The following LRP2 variants were observed in gnomAD, a reference collection of about 807,000 sequenced individuals.
The protein encoded by LRP2 is LDL receptor related protein 2.
In LRP2, 172 loss-of-function variants were observed where a neutral mutation model predicts 531.0. The observed-to-expected ratio is 0.32, with a 90% CI of 0.29 to 0.37. The LOEUF (loss-of-function observed/expected upper bound fraction) is 0.37. Among genes scored for constraint, LRP2 ranks in the 10% least tolerant of loss-of-function variants. LRP2 has a pLI of 1.00. For missense variants in LRP2, 5,167 were observed against 5,868.3 expected (o/e 0.88, Z 3.90); for synonymous variants, 1,992 against 2,027.6 (o/e 0.98, Z 0.47).
At position 169,278,071 on chromosome 2, in the gene LRP2, A is replaced by G. The variant is rs550272377; in HGVS notation, c.1566-120T>C. 5 of 774,740 alleles carry G rather than the reference A, an allele frequency of 6.5e-6. No individual in the cohort carries two copies. In the Admixed American group the frequency reaches 1.2e-4, roughly 19 times the overall value. The allele number at this position is 774,740 out of a possible 1,614,324, so 48.0% of individuals were successfully genotyped here. On this transcript the variant is annotated intron_variant, in intron 12 of 78. Coordinates refer to ENST00000649046, the MANE Select transcript of LRP2 (RefSeq NM_004525.3). Reference sequence around the variant, plus strand: ...ATCCAGCTGATTAGAGAACCACAGTATAAAACAACAGGGAAATTAAGTTGT... The same window carrying G: ...ATCCAGCTGATTAGAGAACCACAGTGTAAAACAACAGGGAAATTAAGTTGT...
chr2:169,203,909 C>T, intron 42 of LRP2, 73 bp downstream of exon 42: 1 of 1,534,240 alleles, frequency 6.5e-7, no homozygotes, highest in Admixed American at 1.7e-5. Context: ...CCTGTGAGAA[C>T]TTCAGCTTTC....
chr2:169,152,729 C>A (rs1686189748), intron 67 of LRP2, 70 bp downstream of exon 67: 4 of 1,555,726 alleles, frequency 2.6e-6, no homozygotes, highest in Non-Finnish European at 3.5e-6. Flanking sequence ...ACTCATGGCC[C>A]ATGGAGTGCA....
chr2:169,215,606 A>G (rs145067644), intron 35 of LRP2, among the ~76,000 whole-genome samples: 115 of 151,424 alleles, frequency 7.6e-4, no homozygotes, highest in African/African-American at 2.5e-3. Flanking sequence ...ACATACATAC[A>G]TACACACACA....
chr2:169,234,657 G>A (rs934682277), intron 29 of LRP2, among the ~76,000 whole-genome samples: 2 of 152,044 alleles, frequency 1.3e-5, no homozygotes, highest in African/African-American at 2.4e-5. Flanking sequence ...GGATTGCTGG[G>A]TCAAATGGTA....
intron 3 of LRP2, among the ~76,000 whole-genome samples, chr2:169,311,543 G>T (rs1233546949): frequency 2.0e-5 from 3 of 152,216 alleles, no homozygotes; most frequent in Admixed American, 6.5e-5. Context: ...GTTTTAGTTT[G>T]ATTGCACTGT....
intron 23 of LRP2, 53 bp from the exon 24 acceptor site, chr2:169,243,125 A>C: frequency 1.4e-6 from 2 of 1,390,732 alleles, no homozygotes; most frequent in Non-Finnish European, 2.0e-6. Flanking sequence ...AAAATGACTA[A>C]ACACTGAGAT....
At chr2:169,139,977 C>T (rs542001833) in intron 72 of LRP2, among the ~76,000 whole-genome samples, 2 of 152,306 alleles carry the variant, frequency 1.3e-5, no homozygotes, top group South Asian at 4.1e-4. Flanking sequence ...ATTTATCTTG[C>T]TCCATGTTAG....
At chr2:169,195,362 G>A (rs1032565274) in intron 46 of LRP2, among the ~76,000 whole-genome samples, 5 of 151,910 alleles carry the variant, frequency 3.3e-5, no homozygotes, top group Non-Finnish European at 7.4e-5. Flanking sequence ...AGTAAAGTAA[G>A]ATATATAAAA....
intron 41 of LRP2, 68 bp from the exon 42 acceptor site, chr2:169,204,339 C>A: frequency 1.4e-6 from 2 of 1,397,696 alleles, no homozygotes; most frequent in Non-Finnish European, 2.0e-6. Context: ...ACTGGCAGCC[C>A]AATGCATGCG....
intron 16 of LRP2, among the ~76,000 whole-genome samples, chr2:169,260,653 C>T (rs1352466298): frequency 6.6e-6 from 1 of 151,968 alleles, no homozygotes; most frequent in Admixed American, 6.6e-5. Context: ...GAAAGGCTTG[C>T]TTGGTCTTTC....
intron 77 of LRP2, among the ~76,000 whole-genome samples, chr2:169,131,576 C>T (rs567616531): frequency 6.6e-6 from 1 of 152,262 alleles, no homozygotes; most frequent in African/African-American, 2.4e-5. Context: ...AGAACAGAGA[C>T]ATTCCAGATC....
chr2:169,239,775 T>A lies in LRP2; in HGVS notation c.4046A>T (p.Asn1349Ile). The A allele has an allele frequency of 6.2e-7, 1 of 1,613,478 alleles. No homozygotes were observed. ...PNGTDESPLCNGNSCSDFNGG... is the reference protein window; with the variant it reads ...PNGTDESPLCIGNSCSDFNGG... ...ATTGAAATCTGAGCAGCTGTTCCCA[T>A]CTAGAAAAAAGAAAGAGAATAATGA... The change falls in exon 26 of 79, where the codon AAT becomes ATT. Residue 1349 changes from asparagine to isoleucine, a missense_variant and splice_region_variant. Asn to Ile is a moderately radical substitution (Grantham distance 149). Transcript: ENST00000649046.
intron 68 of LRP2, among the ~76,000 whole-genome samples, chr2:169,150,477 A>C (rs1258245373): frequency 3.3e-5 from 5 of 152,222 alleles, no homozygotes; most frequent in Non-Finnish European, 5.9e-5. Flanking sequence ...TTAAATATTT[A>C]TATATTTTGG....
chr2:169,247,629 C>T, intron 19 of LRP2, 114 bp from the exon 20 acceptor site: 1 of 1,086,546 alleles, frequency 9.2e-7, no homozygotes, highest in Admixed American at 1.8e-5. Context: ...TCATCTCCCC[C>T]ATAAATATCT....
At chr2:169,334,402 T>C (rs1335244023) in intron 1 of LRP2, among the ~76,000 whole-genome samples, 3 of 152,186 alleles carry the variant, frequency 2.0e-5, no homozygotes, top group Non-Finnish European at 4.4e-5. Flanking sequence ...TATTAGAGTG[T>C]TGGTCAAGAA....
intron 43 of LRP2, 36 bp downstream of exon 43, chr2:169,202,720 T>C: frequency 6.2e-7 from 1 of 1,603,374 alleles, no homozygotes; most frequent in South Asian, 1.1e-5. Flanking sequence ...CAAGATGCCA[T>C]TAGCTCCTAC....
Position 169,237,247 on chromosome 2 carries a change from A to T in LRP2, c.4547T>A (p.Ile1516Lys). The T allele has an allele frequency of 6.2e-7, 1 of 1,613,918 alleles. No individual in the cohort carries two copies. ...SSIILTETIA[I>K]DWVGRNLYWT... ...GTAAAGATTACGACCTACCCAATCT[A>T]TTGCAATAGTTTCAGTCAAGATGAT... Residue 1516 changes from isoleucine (I) to lysine (K), a missense_variant, in exon 28 of 79, where the codon ATA becomes AAA. Coordinates refer to ENST00000649046, the MANE Select transcript of LRP2 (RefSeq NM_004525.3).
intron 1 of LRP2, among the ~76,000 whole-genome samples, chr2:169,328,304 G>T (rs9710881): frequency 1.6e-5 from 1 of 64,242 alleles, no homozygotes; most frequent in South Asian, 3.8e-4. Flanking sequence ...TCAGCCCCCC[G>T]CCCGGCCAGA....
intron 55 of LRP2, 136 bp from the exon 56 acceptor site, chr2:169,174,300 G>A: frequency 9.7e-7 from 1 of 1,025,756 alleles, no homozygotes; most frequent in Non-Finnish European, 1.5e-6. Context: ...TTATCAGTCA[G>A]TACTACTACA....
Sources: gnomAD v4.1 joint callset for allele counts (sites outside exome capture counted in the v4.1 genomes callset) on GRCh38, gnomAD v4.1.1 for gene constraint, MANE v1.5 for transcripts, NCBI Gene and HGNC (gene_info 2026-07-23, HGNC 2026-07-21) for gene names.